Variants in MICU1 observed in about 807,000 individuals in gnomAD.
MICU1 encodes calcium uptake protein 1, mitochondrial.
In MICU1, 45 loss-of-function variants were observed where a neutral mutation model predicts 56.8. The observed-to-expected ratio is 0.79, with a 90% confidence interval of 0.62 to 1.02. The LOEUF (loss-of-function observed/expected upper bound fraction) is 1.02. Ranked by LOEUF, MICU1 falls within the 50% of genes least tolerant of loss-of-function variation. The pLI, the probability that MICU1 is intolerant of heterozygous loss-of-function variation, is 0.00. For synonymous variants in MICU1, 186 were observed against 195.1 expected (o/e 0.95, Z 0.39); for missense variants, 504 against 587.1 (o/e 0.86, Z 1.46).
chr10:72,545,611 G>A (rs1410429044), intron 4 of MICU1, among the ~76,000 whole-genome samples: 2 of 152,142 alleles, frequency 1.3e-5, no homozygotes, highest in African/African-American at 2.4e-5. Context: ...GAGAACCAAG[G>A]TTCTTATTAT....
chr10:72,424,322 A>G (rs1463696971), intron 8 of MICU1, among the ~76,000 whole-genome samples: 1 of 152,160 alleles, frequency 6.6e-6, no homozygotes, highest in Non-Finnish European at 1.5e-5. Flanking sequence ...CATGTTGGCC[A>G]GGCTGGTCTT....
chr10:72,389,627 T>G (rs1318908965), intron 10 of MICU1, among the ~76,000 whole-genome samples: 1 of 152,202 alleles, frequency 6.6e-6, no homozygotes, highest in Admixed American at 6.5e-5. Context: ...TATATTTGTG[T>G]GATTATTTTC....
At chr10:72,390,152 T>C (rs1189954695) in intron 10 of MICU1, among the ~76,000 whole-genome samples, 3 of 151,912 alleles carry the variant, frequency 2.0e-5, no homozygotes, top group African/African-American at 7.3e-5. Context: ...AATTTGATGT[T>C]TTTTTCAAAT....
chr10:72,574,967 A>G (rs1399682072), intron 1 of MICU1, among the ~76,000 whole-genome samples: 1 of 152,236 alleles, frequency 6.6e-6, no homozygotes, highest in African/African-American at 2.4e-5. Flanking sequence ...AAGAATGTCT[A>G]GTAATAAACC....
At chr10:72,440,876 C>T (rs1420051354) in intron 8 of MICU1, among the ~76,000 whole-genome samples, 2 of 151,956 alleles carry the variant, frequency 1.3e-5, no homozygotes, top group East Asian at 1.9e-4. Flanking sequence ...GTTAGAATAG[C>T]GATCATTAAA....
intron 3 of MICU1, 170 bp downstream of exon 3, chr10:72,562,725 A>T: frequency 1.9e-6 from 1 of 524,602 alleles, no homozygotes; most frequent in Non-Finnish European, 3.1e-6. Context: ...TACCTCCTTT[A>T]ACCTCACATT....
chr10:72,410,500 T>C (rs1250942232), intron 9 of MICU1, among the ~76,000 whole-genome samples: 1 of 152,146 alleles, frequency 6.6e-6, no homozygotes, highest in African/African-American at 2.4e-5. Flanking sequence ...ATGCCTGCAA[T>C]CCCAGCTACT....
intron 1 of MICU1, among the ~76,000 whole-genome samples, chr10:72,615,064 G>A (rs1195197846): frequency 2.0e-5 from 3 of 151,370 alleles, no homozygotes; most frequent in African/African-American, 7.3e-5. Flanking sequence ...TTCATACTGC[G>A]GATTTGTCTG....
chr10:72,539,705 A>C (rs1338789645), intron 4 of MICU1, among the ~76,000 whole-genome samples: 1 of 152,148 alleles, frequency 6.6e-6, no homozygotes, highest in African/African-American at 2.4e-5. Flanking sequence ...AACTCAACTA[A>C]ATATTAGTAG....
intron 5 of MICU1, chr10:72,523,761 A>G (rs1867890271): frequency 1.5e-6 from 2 of 1,309,800 alleles, no homozygotes; most frequent in Non-Finnish European, 2.0e-6. Context: ...ATAAACTACC[A>G]TTAAAGAGCC....
rs562706477 is a variant in MICU1, at chr10:72,597,136, C to T, written c.-2+28874G>A. ...ATTAATTTAAAAAAATTTTATTTCA[C>T]ACTATATGGCATTTTCCGTTTATAA... is the stretch of plus-strand genomic sequence containing the variant. On this transcript the variant is annotated intron_variant, in intron 1 of 11. Transcript: ENST00000361114. 2.0e-5 allele frequency among the ~76,000 whole-genome samples: 3 copies of T among 152,254 alleles called. No homozygotes were observed. The East Asian group carries it at 5.8e-4, about 29-fold the overall frequency.
chr10:72,579,766 T>C (rs1243854061), intron 1 of MICU1, among the ~76,000 whole-genome samples: 1 of 152,206 alleles, frequency 6.6e-6, no homozygotes, highest in Non-Finnish European at 1.5e-5. Flanking sequence ...ATGCTTCTGA[T>C]GGCTCAGTGT....
At chr10:72,605,675 T>C (rs779061911) in intron 1 of MICU1, among the ~76,000 whole-genome samples, 11 of 152,174 alleles carry the variant, frequency 7.2e-5, no homozygotes, top group Admixed American at 7.2e-4. Context: ...ATATGAGTAG[T>C]TTAGAGATGA....
intron 9 of MICU1, among the ~76,000 whole-genome samples, chr10:72,420,621 T>A (rs1266052491): frequency 6.6e-6 from 1 of 151,958 alleles, no homozygotes; most frequent in East Asian, 1.9e-4. Context: ...AAAATCTGGG[T>A]TCTAGCCTTA....
At chr10:72,540,405 A>T (rs1234944885) in intron 4 of MICU1, among the ~76,000 whole-genome samples, 1 of 151,780 alleles carries the variant, frequency 6.6e-6, no homozygotes, top group African/African-American at 2.4e-5. Flanking sequence ...CAGATGTGGT[A>T]TCTTACACTT....
chr10:72,574,300 T>C (rs1840688579), intron 1 of MICU1, among the ~76,000 whole-genome samples: 1 of 152,076 alleles, frequency 6.6e-6, no homozygotes, highest in Non-Finnish European at 1.5e-5. Context: ...GAGGCTGAGG[T>C]AGGTGGATCA....
chr10:72,494,315 G>C (rs1437890181), intron 6 of MICU1, among the ~76,000 whole-genome samples: 1 of 152,174 alleles, frequency 6.6e-6, no homozygotes. Flanking sequence ...ATTAAAATAG[G>C]AGGGAGGCAG....
chr10:72,623,378 AAAAAG>A (rs1417666815), intron 1 of MICU1, among the ~76,000 whole-genome samples: 2 of 151,514 alleles, frequency 1.3e-5, no homozygotes, highest in African/African-American at 2.4e-5. Flanking sequence ...GAAGAAAGAA[AAAAAG>A]AAAAGAAAAG....
At chr10:72,517,796 T>TAA (rs201124123) in intron 5 of MICU1, among the ~76,000 whole-genome samples, 4 of 142,248 alleles carry the variant, frequency 2.8e-5, no homozygotes, top group African/African-American at 9.9e-5. Flanking sequence ...TTTTTTTTTT[T>TAA]AAAGAAAATG....
Sources: gnomAD v4.1 joint callset for allele counts (sites outside exome capture counted in the v4.1 genomes callset) on GRCh38, gnomAD v4.1.1 for gene constraint, MANE v1.5 for transcripts, NCBI Gene and HGNC (gene_info 2026-07-23, HGNC 2026-07-21) for gene names.